FNDC3A: variants seen among roughly 807,000 people sequenced by gnomAD.
The protein encoded by FNDC3A is fibronectin type-III domain-containing protein 3A.
In FNDC3A, 32 loss-of-function variants were observed where a neutral mutation model predicts 148.9. The observed-to-expected ratio is 0.21, with a 90% CI of 0.16 to 0.29. The LOEUF (loss-of-function observed/expected upper bound fraction) is 0.29. FNDC3A is among the 10% of genes least tolerant of loss of function. The pLI, the probability that FNDC3A is intolerant of heterozygous loss-of-function variation, is 1.00. For missense variants in FNDC3A, 1,191 were observed against 1,452.8 expected, an observed-to-expected ratio of 0.82 and a Z score of 2.93; for synonymous variants, 472 against 473.6, an observed-to-expected ratio of 1.00 and a Z score of 0.04.
At chr13:49,164,254 G>A (rs186946908) in intron 8 of FNDC3A, among the ~76,000 whole-genome samples, 24 of 152,210 alleles carry the variant, frequency 1.6e-4, no homozygotes, top group East Asian at 3.9e-4. Context: ...GAGAAATCCC[G>A]TTAGTCTGAT....
rs141847602 is a variant in FNDC3A at position 49,063,329 on chromosome 13, T to C, written c.100-11960T>C. Among the ~76,000 whole-genome samples the C allele has an allele frequency of 2.6e-5, 4 of 152,304 alleles. No individual in the cohort carries two copies. The East Asian group carries it at 7.7e-4, about 29-fold the overall frequency. On this transcript the variant is annotated intron_variant, in intron 2 of 25. Transcript: ENST00000492622. The stretch of plus-strand genomic sequence containing the variant: ...TTTAAAAGGAAAGAAACTCTAAATA[T>C]ACTAAAAACATTTAGGTAAGTTTTT...
At chr13:49,115,198 T>TAAAAAAAAAAAAA (rs11450075) in intron 4 of FNDC3A, among the ~76,000 whole-genome samples, 4 of 140,344 alleles carry the variant, frequency 2.9e-5, no homozygotes, top group African/African-American at 1.1e-4. Flanking sequence ...GGGGGGGAAA[T>TAAAAAAAAAAAAA]AAAAAAAAAA....
chr13:49,031,517 A>G (rs1373168384), intron 2 of FNDC3A, among the ~76,000 whole-genome samples: 1 of 152,194 alleles, frequency 6.6e-6, no homozygotes, highest in African/African-American at 2.4e-5. Flanking sequence ...AAAGGTGCCT[A>G]GATGATTCTG....
At chr13:49,048,537 CTTGGT>C (rs1054570887) in intron 2 of FNDC3A, among the ~76,000 whole-genome samples, 1 of 152,036 alleles carries the variant, frequency 6.6e-6, no homozygotes. Flanking sequence ...CTTTCACCTC[CTTGGT>C]TAGGTATACT....
rs766889571 is a variant in FNDC3A at position 49,197,694 on chromosome 13, C to G, written c.2341-31C>G. 2.5e-6 allele frequency: 4 copies of G among 1,580,760 alleles called. No homozygotes were observed. The South Asian group carries it at 4.8e-5, about 19-fold the overall frequency. ...AAAAGCTATTTAATCAACATCAAGACTAAGACCTTTATCCTTTTCTTAATT... is the reference window on the plus strand; with the variant it reads ...AAAAGCTATTTAATCAACATCAAGAGTAAGACCTTTATCCTTTTCTTAATT... On this transcript the variant is annotated intron_variant, in intron 20 of 25. Coordinates refer to ENST00000492622, the MANE Select transcript of FNDC3A (RefSeq NM_001079673.2).
intron 3 of FNDC3A, among the ~76,000 whole-genome samples, chr13:49,079,961 C>A (rs986164075): frequency 6.6e-6 from 1 of 151,970 alleles, no homozygotes; most frequent in Non-Finnish European, 1.5e-5. Flanking sequence ...ACTGCAGGTG[C>A]ATGCCACCAT....
intron 3 of FNDC3A, among the ~76,000 whole-genome samples, chr13:49,099,851 G>C (rs1879756278): frequency 6.6e-6 from 1 of 152,100 alleles, no homozygotes; most frequent in Non-Finnish European, 1.5e-5. Context: ...TATGCTCCCA[G>C]CTTACCAGAT....
chr13:49,034,474 A>C (rs1307838254), intron 2 of FNDC3A, among the ~76,000 whole-genome samples: 2 of 152,048 alleles, frequency 1.3e-5, no homozygotes, highest in Admixed American at 6.5e-5. Context: ...CTTTCATCAC[A>C]AAACTTCTGA....
chr13:49,204,411 A>G (rs1247350652), intron 25 of FNDC3A, among the ~76,000 whole-genome samples: 1 of 152,116 alleles, frequency 6.6e-6, no homozygotes. Flanking sequence ...TAAAAAAAAG[A>G]TCCTTCATTT....
In FNDC3A at chr13:49,009,114, G is replaced by A. The variant is rs77417843; in HGVS notation, c.99+2825G>A. ...ATAATTTCACCGCCCTAAAAATCCC[G>A]TGCTTCACCTTTTCATTCTTCCTTT... On this transcript the variant is annotated intron_variant, in intron 2 of 25. Coordinates refer to ENST00000492622, the MANE Select transcript of FNDC3A (RefSeq NM_001079673.2). 3.7e-3 allele frequency among the ~76,000 whole-genome samples: 567 copies of A among 152,170 alleles called. 35 individuals carry two copies. The East Asian group carries it at 0.096, about 26-fold the overall frequency.
At chr13:49,112,699 T>C (rs1880653862) in intron 3 of FNDC3A, among the ~76,000 whole-genome samples, 1 of 152,168 alleles carries the variant, frequency 6.6e-6, no homozygotes, top group Non-Finnish European at 1.5e-5. Context: ...ATCCCACTTC[T>C]ACCACTTGGG....
Position 49,099,331 on chromosome 13 carries a change from A to G in FNDC3A, c.176-15324A>G, listed in dbSNP as rs1215284362. The stretch of plus-strand genomic sequence containing the variant: ...CAAAATAAATCATTCTCTCTTCCTG[A>G]CCCTTGCCAGAAGCAAGTCTTAATT... On this transcript the variant is annotated intron_variant, in intron 3 of 25. Coordinates refer to ENST00000492622, the MANE Select transcript of FNDC3A (RefSeq NM_001079673.2). 3.3e-5 allele frequency among the ~76,000 whole-genome samples: 5 copies of G among 152,020 alleles called. No homozygotes were observed. In the East Asian group the frequency reaches 9.6e-4, roughly 29 times the overall value.
chr13:49,153,750 T>C (rs1883470901), intron 8 of FNDC3A, among the ~76,000 whole-genome samples: 1 of 134,814 alleles, frequency 7.4e-6, no homozygotes. Context: ...TAGCCAGTTT[T>C]CCCAGCACCA....
chr13:48,976,866 AC>A (rs937208661), intron 1 of FNDC3A: 5 of 152,214 alleles, frequency 3.3e-5, no homozygotes, highest in African/African-American at 1.2e-4. Context: ...GGTTTTAACA[AC>A]CTGGATCTTC....
intron 7 of FNDC3A, among the ~76,000 whole-genome samples, chr13:49,141,899 G>A (rs1593650606): frequency 6.6e-6 from 1 of 151,866 alleles, no homozygotes; most frequent in Admixed American, 6.6e-5. Context: ...ATTCAGAGTG[G>A]GATCATTGAG....
chr13:49,024,357 T>C (rs1422191358), intron 2 of FNDC3A, among the ~76,000 whole-genome samples: 1 of 151,928 alleles, frequency 6.6e-6, no homozygotes, highest in African/African-American at 2.4e-5. Flanking sequence ...CAGAAAGAAC[T>C]GTTCCTAACC....
chr13:49,053,702 T>C (rs936598379), intron 2 of FNDC3A, among the ~76,000 whole-genome samples: 1 of 152,066 alleles, frequency 6.6e-6, no homozygotes, highest in Non-Finnish European at 1.5e-5. Flanking sequence ...GAGACCAGCG[T>C]TCTTATTATG....
intron 12 of FNDC3A, 89 bp downstream of exon 12, chr13:49,174,648 T>C (rs1405883043): frequency 1.7e-6 from 2 of 1,179,534 alleles, no homozygotes; most frequent in Non-Finnish European, 2.4e-6. Context: ...AAATTATTCA[T>C]TAAAAATTCT....
chr13:49,096,011 T>C (rs1307522582), intron 3 of FNDC3A, among the ~76,000 whole-genome samples: 1 of 152,060 alleles, frequency 6.6e-6, no homozygotes, highest in African/African-American at 2.4e-5. Flanking sequence ...GAAAAATCAT[T>C]CTCCTCCAAC....
Sources: allele counts gnomAD v4.1 joint callset (sites outside exome capture counted in the v4.1 genomes callset), GRCh38; gene constraint gnomAD v4.1.1; transcripts MANE v1.5; gene names NCBI Gene and HGNC (gene_info 2026-07-23, HGNC 2026-07-21).